Variants in CXADR observed in about 807,000 individuals in gnomAD.
CXADR encodes CXADR cell adhesion molecule.
In CXADR, 20 loss-of-function variants were observed where a neutral mutation model predicts 40.3. That is an observed-to-expected ratio of 0.50 (90% CI 0.35 to 0.72). The LOEUF is 0.72. Among genes scored for constraint, CXADR ranks in the 30% least tolerant of loss-of-function variants. The pLI is 0.01. For missense variants in CXADR, 332 were observed against 449.1 expected, an observed-to-expected ratio of 0.74 and a Z score of 2.36; for synonymous variants, 150 against 161.3, an observed-to-expected ratio of 0.93 and a Z score of 0.53.
chr21:17,581,141 C>T (rs1326391626), intron 7 of CXADR, among the ~76,000 whole-genome samples: 1 of 152,110 alleles, frequency 6.6e-6, no homozygotes, highest in African/African-American at 2.4e-5. Context: ...AGCTTTTTTT[C>T]TCCCAAAACT....
At chr21:17,551,308 G>A (rs2155630) in intron 2 of CXADR, among the ~76,000 whole-genome samples, 73,555 of 151,816 alleles carry the variant, frequency 0.48, 21,491 homozygotes, top group Non-Finnish European at 0.65. Flanking sequence ...GCAGAGGCGA[G>A]AGAATTGCTT....
rs140347619 is a variant in CXADR at position 17,578,452 on chromosome 21, A to C, written c.1017+12841A>C. Among the ~76,000 whole-genome samples, 767 of 152,344 alleles carry C rather than the reference A, an allele frequency of 5.0e-3. 9 individuals carry two copies. Among genetic ancestry groups the C allele is most frequent in the Middle Eastern group, 0.024 (7 of 294 alleles). On this transcript the variant is annotated intron_variant, in intron 7 of 7. Coordinates refer to the CXADR transcript ENST00000400169. ...CCCTGGGGCACGCAGGAACTAAGAA[A>C]ACCCTACTGTGAAAATGAAATCATA...
downstream of CXADR, among the ~76,000 whole-genome samples, chr21:17,575,032 CATACATACATACATACATAA>C (rs1172154509): frequency 2.1e-3 from 314 of 151,736 alleles, no homozygotes; most frequent in African/African-American, 5.6e-3. Context: ...TACATACATA[CATACATACATACATACATAA>C]GGGTTGATAT....
At chr21:17,597,634 TA>T (rs1416358991), downstream of CXADR, among the ~76,000 whole-genome samples, 1 of 151,972 alleles carries the variant, frequency 6.6e-6, no homozygotes. Flanking sequence ...GTTATATACA[TA>T]TACATATACA....
At chr21:17,627,863 G>T in the CXADR span, among the ~76,000 whole-genome samples, 1 of 152,206 alleles carries the variant, frequency 6.6e-6, no homozygotes, top group Non-Finnish European at 1.5e-5. Context: ...GTATGGATGT[G>T]TGAACAAATT....
chr21:17,629,725 C>T, the CXADR span, among the ~76,000 whole-genome samples: 1 of 152,002 alleles, frequency 6.6e-6, no homozygotes, highest in Admixed American at 6.6e-5. Flanking sequence ...GTAATACCAG[C>T]TACTTGGAGG....
intron 3 of CXADR, among the ~76,000 whole-genome samples, chr21:17,552,987 A>G (rs1017449743): frequency 1.3e-5 from 2 of 152,164 alleles, no homozygotes; most frequent in African/African-American, 4.8e-5. Flanking sequence ...CAGTGGCACA[A>G]TCTCTGCTCA....
chr21:17,605,627 T>C, the CXADR span, among the ~76,000 whole-genome samples: 6 of 152,212 alleles, frequency 3.9e-5, no homozygotes, highest in East Asian at 3.8e-4. Context: ...ATTTAAATAG[T>C]TGTCAAAATT....
At chr21:17,584,818 C>T (rs2061383655) in intron 7 of CXADR, among the ~76,000 whole-genome samples, 1 of 152,002 alleles carries the variant, frequency 6.6e-6, no homozygotes. Flanking sequence ...AGAGAGACTC[C>T]GTCTCAAAAA....
chr21:17,563,758 G>T (rs954170696), intron 6 of CXADR, among the ~76,000 whole-genome samples: 1 of 151,232 alleles, frequency 6.6e-6, no homozygotes, highest in African/African-American at 2.4e-5. Flanking sequence ...TGGCTAACAC[G>T]GTGAAACCCC....
chr21:17,603,988 T>G, the CXADR span, among the ~76,000 whole-genome samples: 1 of 152,214 alleles, frequency 6.6e-6, no homozygotes, highest in Non-Finnish European at 1.5e-5. Context: ...ACCCTACAAC[T>G]GAGAGTGCCT....
intron 1 of CXADR, among the ~76,000 whole-genome samples, chr21:17,517,521 A>G (rs1349978714): frequency 1.3e-5 from 2 of 152,242 alleles, no homozygotes; most frequent in Non-Finnish European, 2.9e-5. Context: ...ATTCAAAAGC[A>G]CATTCCCAAT....
rs1321704416 is a variant in CXADR, at chr21:17,582,037, G to T, written c.1018-11115G>T. On this transcript the variant is annotated intron_variant, in intron 7 of 7. Coordinates refer to the CXADR transcript ENST00000400169. Reference sequence around the variant, plus strand: ...CTCACTGCAAACCTCTGCCCTCCCGGGTTCAAGTGATTCTCCTTGTCTCAG... The same window carrying T: ...CTCACTGCAAACCTCTGCCCTCCCGTGTTCAAGTGATTCTCCTTGTCTCAG... 4.9e-4 allele frequency among the ~76,000 whole-genome samples: 7 copies of T among 14,382 alleles called. No homozygotes were observed. In the Admixed American group the frequency reaches 6.8e-3, roughly 14 times the overall value. 9.4% of individuals were successfully genotyped at this position (14,382 alleles called of 152,430 possible).
At chr21:17,635,552 A>C in the CXADR span, among the ~76,000 whole-genome samples, 1 of 152,210 alleles carries the variant, frequency 6.6e-6, no homozygotes, top group Non-Finnish European at 1.5e-5. Context: ...GGCACTGCTC[A>C]AGCTTATGAG....
chr21:17,629,024 A>G, the CXADR span, among the ~76,000 whole-genome samples: 1 of 152,168 alleles, frequency 6.6e-6, no homozygotes, highest in East Asian at 1.9e-4. Flanking sequence ...ATAGTTGGGC[A>G]TCCTATGGCC....
chr21:17,604,044 T>C, the CXADR span: 1 of 987,540 alleles, frequency 1.0e-6, no homozygotes, highest in Non-Finnish European at 1.3e-6. Flanking sequence ...CAAAAAGATT[T>C]CATACCTAGC....
At chr21:17,515,052 C>CAT (rs1463619790) in intron 1 of CXADR, among the ~76,000 whole-genome samples, 1 of 151,896 alleles carries the variant, frequency 6.6e-6, no homozygotes, top group Non-Finnish European at 1.5e-5. Context: ...TCATTGTGCT[C>CAT]ATAAGGTATA....
chr21:17,578,166 T>C (rs1289599522), intron 7 of CXADR, among the ~76,000 whole-genome samples: 2 of 152,110 alleles, frequency 1.3e-5, no homozygotes, highest in African/African-American at 4.8e-5. Flanking sequence ...GATCATAGGG[T>C]AGTTCTATTT....
intron 7 of CXADR, among the ~76,000 whole-genome samples, chr21:17,585,313 A>G (rs2824374): frequency 0.096 from 14,573 of 152,174 alleles, 919 homozygotes; most frequent in African/African-American, 0.18. Flanking sequence ...TATGAGTACC[A>G]TGAAACTATA....
Sources: gnomAD v4.1 joint callset for allele counts (sites outside exome capture counted in the v4.1 genomes callset) on GRCh38, gnomAD v4.1.1 for gene constraint, MANE v1.5 for transcripts, NCBI Gene and HGNC (gene_info 2026-07-23, HGNC 2026-07-21) for gene names.